Variants in MAML3 observed in about 807,000 individuals in gnomAD.
MAML3 encodes mastermind like transcriptional coactivator 3, also known as mastermind-like protein 3.
A neutral mutation model predicts 101.9 loss-of-function variants in MAML3; 27 were observed. The ratio of observed to expected loss-of-function variants is 0.27; its 90% CI spans 0.20 to 0.37. The LOEUF is 0.37. Among genes scored for constraint, MAML3 ranks in the 10% least tolerant of loss-of-function variants. The pLI is 1.00. For missense variants in MAML3, 1,316 were observed against 1,444.9 expected (o/e 0.91, Z 1.45); for synonymous variants, 501 against 555.9 (o/e 0.90, Z 1.39).
chr4:139,928,065 G>A (rs1214846953), intron 1 of MAML3, among the ~76,000 whole-genome samples: 1 of 152,164 alleles, frequency 6.6e-6, no homozygotes, highest in Non-Finnish European at 1.5e-5. Context: ...CTGTCTATCT[G>A]TGTGTCTGTG....
intron 1 of MAML3, among the ~76,000 whole-genome samples, chr4:140,041,559 T>C (rs1727087210): frequency 6.6e-6 from 1 of 152,068 alleles, no homozygotes; most frequent in South Asian, 2.1e-4. Flanking sequence ...AGGCAGAGGT[T>C]GCAGTGAGCC....
chr4:139,793,038 G>A (rs1382628729), intron 2 of MAML3, among the ~76,000 whole-genome samples: 1 of 152,066 alleles, frequency 6.6e-6, no homozygotes, highest in African/African-American at 2.4e-5. Flanking sequence ...GAGACACCGC[G>A]CCCGGCAGAA....
At chr4:140,026,932 T>C (rs1472320839) in intron 1 of MAML3, among the ~76,000 whole-genome samples, 1 of 152,320 alleles carries the variant, frequency 6.6e-6, no homozygotes, top group East Asian at 1.9e-4. Context: ...TAATGCTTTA[T>C]ATGTGCAATA....
At chr4:140,008,705 A>C (rs925090137) in intron 1 of MAML3, among the ~76,000 whole-genome samples, 2 of 152,202 alleles carry the variant, frequency 1.3e-5, no homozygotes, top group African/African-American at 2.4e-5. Context: ...TAAACAAATA[A>C]AATTTATGAG....
chr4:140,033,295 G>A (rs999231521), intron 1 of MAML3, among the ~76,000 whole-genome samples: 9 of 152,290 alleles, frequency 5.9e-5, no homozygotes, highest in South Asian at 4.1e-4. Flanking sequence ...AATAGAGGCC[G>A]TAATTAATTT....
At chr4:139,992,994 T>A (rs1734710054) in intron 1 of MAML3, among the ~76,000 whole-genome samples, 1 of 152,370 alleles carries the variant, frequency 6.6e-6, no homozygotes, top group African/African-American at 2.4e-5. Context: ...TCTATTTAAA[T>A]CTTTTGCTCA....
intron 1 of MAML3, among the ~76,000 whole-genome samples, chr4:140,142,078 ACAATATGGAATG>A (rs1260893232): frequency 2.0e-5 from 3 of 152,254 alleles, no homozygotes; most frequent in African/African-American, 7.2e-5. Flanking sequence ...TGAAATGGTC[ACAATATGGAATG>A]CTATATAGCA....
At chr4:140,126,721 C>G (rs1728691027) in intron 1 of MAML3, among the ~76,000 whole-genome samples, 1 of 152,168 alleles carries the variant, frequency 6.6e-6, no homozygotes, top group Non-Finnish European at 1.5e-5. Flanking sequence ...AAATGACTAC[C>G]AGACATCCCT....
chr4:139,923,210 A>G (rs1433861404), intron 1 of MAML3, among the ~76,000 whole-genome samples: 1 of 152,104 alleles, frequency 6.6e-6, no homozygotes, highest in African/African-American at 2.4e-5. Flanking sequence ...CCAGCTCCCC[A>G]CACCCCGGGA....
intron 1 of MAML3, among the ~76,000 whole-genome samples, chr4:140,042,855 G>T (rs1307810534): frequency 6.6e-6 from 1 of 152,074 alleles, no homozygotes; most frequent in Non-Finnish European, 1.5e-5. Context: ...AACTTTACAT[G>T]AAGTTTGAAG....
chr4:139,801,633 G>GGGGTGT (rs1553957606), intron 2 of MAML3, among the ~76,000 whole-genome samples: 34 of 146,516 alleles, frequency 2.3e-4, no homozygotes, highest in African/African-American at 8.2e-4. Flanking sequence ...GCAGGAACAG[G>GGGGTGT]GTGTGTGTGG....
chr4:140,127,268 A>G (rs1025911922), intron 1 of MAML3, among the ~76,000 whole-genome samples: 1 of 152,066 alleles, frequency 6.6e-6, no homozygotes, highest in Admixed American at 6.6e-5. Flanking sequence ...TTCATCCTCC[A>G]TCCATGGAGC....
At chr4:139,771,804 C>T (rs1420094137) in intron 2 of MAML3, among the ~76,000 whole-genome samples, 1 of 152,002 alleles carries the variant, frequency 6.6e-6, no homozygotes, top group African/African-American at 2.4e-5. Flanking sequence ...CTTTCGGGGG[C>T]CCATCCCAGA....
chr4:139,986,589 T>C (rs1234984843), intron 1 of MAML3, among the ~76,000 whole-genome samples: 1 of 151,816 alleles, frequency 6.6e-6, no homozygotes, highest in Non-Finnish European at 1.5e-5. Flanking sequence ...TTAATATTCC[T>C]AATATAACCA....
intron 1 of MAML3, among the ~76,000 whole-genome samples, chr4:139,963,966 C>T (rs1734075811): frequency 6.6e-6 from 1 of 152,116 alleles, no homozygotes; most frequent in Non-Finnish European, 1.5e-5. Flanking sequence ...TTCACTCCAT[C>T]CAAAATGGTA....
At chr4:139,881,890 G>A (rs1467444362) in intron 2 of MAML3, among the ~76,000 whole-genome samples, 3 of 152,034 alleles carry the variant, frequency 2.0e-5, no homozygotes, top group Non-Finnish European at 4.4e-5. Flanking sequence ...TAGTAGAGAC[G>A]GGGTTTCACC....
At chr4:139,887,904 G>A (rs1332508161) in intron 2 of MAML3, among the ~76,000 whole-genome samples, 1 of 152,024 alleles carries the variant, frequency 6.6e-6, no homozygotes, top group Non-Finnish European at 1.5e-5. Context: ...TCTCCCCAAT[G>A]GTATATATTC....
intron 2 of MAML3, among the ~76,000 whole-genome samples, chr4:139,863,448 T>C (rs7662097): frequency 0.55 from 82,495 of 150,014 alleles, 25,469 homozygotes; most frequent in African/African-American, 0.83. Flanking sequence ...CCTCCAGGGT[T>C]CAAGCAATTC....
chr4:139,817,408 T>G (rs1047999666), intron 2 of MAML3, among the ~76,000 whole-genome samples: 1 of 152,170 alleles, frequency 6.6e-6, no homozygotes, highest in African/African-American at 2.4e-5. Context: ...ATGATCCAAA[T>G]GAAACCCATG....
Sources: gnomAD v4.1 joint callset for allele counts (sites outside exome capture counted in the v4.1 genomes callset) on GRCh38, gnomAD v4.1.1 for gene constraint, MANE v1.5 for transcripts, NCBI Gene and HGNC (gene_info 2026-07-23, HGNC 2026-07-21) for gene names.